GSAP: variants seen among roughly 807,000 people sequenced by gnomAD.
GSAP encodes gamma-secretase activating protein.
A neutral mutation model predicts 131.7 loss-of-function variants in GSAP; 118 were observed. That is an observed-to-expected ratio of 0.90 (90% CI 0.77 to 1.04). GSAP has a LOEUF of 1.04. Among genes scored for constraint, GSAP ranks in the 50% least tolerant of loss-of-function variants. GSAP has a pLI of 0.00. For synonymous variants in GSAP, 381 were observed against 363.4 expected, an observed-to-expected ratio of 1.05 and a Z score of -0.55; for missense variants, 1,019 against 1,013.2, an observed-to-expected ratio of 1.01 and a Z score of -0.08.
rs147848716 is a variant in GSAP at position 77,394,428 on chromosome 7, G to A, written c.367+2554C>T. On this transcript the variant is annotated intron_variant, in intron 5 of 30. Coordinates refer to ENST00000257626, the MANE Select transcript of GSAP (RefSeq NM_017439.4). The stretch of plus-strand genomic sequence containing the variant: ...CGTGCTTGTTCCATCCCCACCTTCA[G>A]GTCTCTGTTTAAACATTCCCCTAAT... Among the ~76,000 whole-genome samples, 458 of 152,198 alleles carry A rather than the reference G, an allele frequency of 3.0e-3. 1 individual carries two copies. The Middle Eastern group carries it at 0.058, about 19-fold the overall frequency.
intron 8 of GSAP, chr7:77,379,909 T>G: frequency 3.1e-6 from 3 of 976,552 alleles, no homozygotes; most frequent in Non-Finnish European, 3.7e-6. Flanking sequence ...TGATACACAA[T>G]TGATAAATTC....
intron 6 of GSAP, among the ~76,000 whole-genome samples, chr7:77,384,649 C>T (rs1798282490): frequency 2.0e-5 from 3 of 152,030 alleles, no homozygotes; most frequent in African/African-American, 7.2e-5. Flanking sequence ...AGGAAACACT[C>T]AAAGGGTCCC....
At chr7:77,341,998 A>T (rs13307807) in intron 19 of GSAP, among the ~76,000 whole-genome samples, 1 of 152,220 alleles carries the variant, frequency 6.6e-6, no homozygotes, top group African/African-American at 2.4e-5. Context: ...CACTGGGCCA[A>T]GGAATGCCCA....
intron 6 of GSAP, among the ~76,000 whole-genome samples, chr7:77,386,027 C>T (rs1166123246): frequency 1.3e-5 from 2 of 151,192 alleles, no homozygotes; most frequent in Non-Finnish European, 2.9e-5. Context: ...CCACAAATGT[C>T]GTATACTGAA....
intron 18 of GSAP, chr7:77,351,252 T>C: frequency 1.0e-6 from 1 of 971,156 alleles, no homozygotes; most frequent in Non-Finnish European, 1.2e-6. Flanking sequence ...TTCATTACAG[T>C]TTTGGTTATA....
chr7:77,412,290 G>A (rs1203254166), intron 1 of GSAP, among the ~76,000 whole-genome samples: 1 of 152,118 alleles, frequency 6.6e-6, no homozygotes, highest in Admixed American at 6.5e-5. Flanking sequence ...AGGACTGTTT[G>A]ATTGATAATA....
chr7:77,406,877 C>T (rs958572232), intron 1 of GSAP, among the ~76,000 whole-genome samples: 9 of 152,186 alleles, frequency 5.9e-5, no homozygotes, highest in Admixed American at 3.3e-4. Context: ...AAACAGTCTT[C>T]GAAGCTCCCC....
In GSAP at chr7:77,404,617, TA is replaced by T. The variant is rs1255685149; in HGVS notation, c.187-3del. ...AAAGACGACATTTCCCTTATCATCC[TA>T]AAAAAAATTAACCAGATGTTTATTA... On this transcript the variant is annotated splice_polypyrimidine_tract_variant and splice_region_variant and intron_variant, in intron 2 of 30. Coordinates refer to ENST00000257626, the MANE Select transcript of GSAP (RefSeq NM_017439.4). The T allele has an allele frequency of 1.0e-4, 154 of 1,493,426 alleles. No homozygotes were observed. The highest frequency in any genetic ancestry group is 1.3e-4 in the Non-Finnish European group (138 of 1,074,764). The allele number at this position is 1,493,426 out of a possible 1,614,324, so 92.5% of individuals were successfully genotyped here.
In GSAP at chr7:77,376,892, A is replaced by C. The variant is rs1796971093; in HGVS notation, c.697T>G (p.Leu233Val). 6.8e-7 allele frequency: 1 copy of C among 1,474,726 alleles called. No individual in the cohort carries two copies. The highest frequency in any genetic ancestry group is 9.3e-7 in the Non-Finnish European group (1 of 1,078,628). The allele number at this position is 1,474,726 out of a possible 1,614,324, so 91.4% of individuals were successfully genotyped here. Residue 233 changes from leucine (L) to valine (V), a missense_variant, in exon 10 of 31, where the codon TTA (leucine) becomes GTA (valine). Leu to Val is a conservative substitution (Grantham distance 32). Transcript: ENST00000257626. The part of the protein sequence containing the change: ...YIDLKKSRSI[L>V]KCIQFYADES... ...TCAGCATAAAACTGGATACATTTTAAGATACTCCTTGATTTCTAAAAGAGA... is the reference window on the plus strand; with the variant it reads ...TCAGCATAAAACTGGATACATTTTACGATACTCCTTGATTTCTAAAAGAGA...
At chr7:77,348,055 A>C (rs1246196156) in intron 19 of GSAP, among the ~76,000 whole-genome samples, 1 of 151,878 alleles carries the variant, frequency 6.6e-6, no homozygotes, top group African/African-American at 2.4e-5. Flanking sequence ...TGTAGTACCA[A>C]CCACTCAGGA....
At chr7:77,334,740 C>A (rs1207237799) in intron 19 of GSAP, among the ~76,000 whole-genome samples, 3 of 152,022 alleles carry the variant, frequency 2.0e-5, no homozygotes. Context: ...TCACCGGCAA[C>A]TCGAAAAGAG....
chr7:77,326,118 G>T (rs2150653671), intron 23 of GSAP, 94 bp downstream of exon 23: 1 of 836,590 alleles, frequency 1.2e-6, no homozygotes, highest in Non-Finnish European at 1.9e-6. Context: ...AAAGAATAAA[G>T]AATAAGATCA....
chr7:77,377,276 GT>G lies in GSAP; in HGVS notation c.681+9del, dbSNP rs113792577. The G allele has an allele frequency of 1.2e-4, 126 of 1,069,862 alleles. No individual in the cohort carries two copies. The African/African-American group carries it at 2.0e-3, about 17-fold the overall frequency. The allele number at this position is 1,069,862 out of a possible 1,614,324, so 66.3% of individuals were successfully genotyped here. ...AAAAAAAAGGAGTGCCCGTGAACTA[GT>G]TTTTTTACCTTCAGGTCAATGTAAT... is the stretch of plus-strand genomic sequence containing the variant. On this transcript the variant is annotated intron_variant, in intron 9 of 30. Transcript: ENST00000257626.
chr7:77,324,305 A>G (rs1788032946), intron 23 of GSAP, among the ~76,000 whole-genome samples: 1 of 152,190 alleles, frequency 6.6e-6, no homozygotes, highest in African/African-American at 2.4e-5. Context: ...GTTTGTTTCT[A>G]TACTCGCTTT....
chr7:77,350,312 T>C (rs1584420873), intron 18 of GSAP, among the ~76,000 whole-genome samples: 1 of 143,564 alleles, frequency 7.0e-6, no homozygotes, highest in Non-Finnish European at 1.5e-5. Flanking sequence ...TTAGGAGATA[T>C]ACCTAATGCT....
chr7:77,317,862 C>G (rs529417417), intron 26 of GSAP, among the ~76,000 whole-genome samples: 22 of 152,330 alleles, frequency 1.4e-4, no homozygotes, highest in African/African-American at 4.8e-4. Context: ...TTCAATCTTT[C>G]TAGGGTGTAC....
At position 77,416,220 on chromosome 7, in the gene GSAP, G is replaced by T; in HGVS notation, c.102C>A (p.Gly34=). ...AVSEASGAGS[G]GADVLENDYE... is the part of the protein sequence containing the mutation. ...GCAGCGCGCCTCCCGCACCTGCGCC[G>T]CCGCTTCCGGCCCCGCTGGCCTCCG... The change falls in exon 1 of 31, where the codon GGC becomes GGA. Residue 34 remains glycine, a synonymous_variant. Transcript: ENST00000257626. 8.4e-7 allele frequency: 1 copy of T among 1,197,046 alleles called. No homozygotes were observed. Among genetic ancestry groups the T allele is most frequent in the South Asian group, 1.5e-5 (1 of 68,828 alleles). 74.2% of individuals were successfully genotyped at this position (1,197,046 alleles called of 1,614,324 possible). A position where few individuals can be genotyped will look rare whatever the true frequency, so the allele number is the denominator to read the frequency against.
In GSAP at chr7:77,398,072, G is replaced by A. The variant is rs558178727; in HGVS notation, c.244-657C>T. Among the ~76,000 whole-genome samples the A allele has an allele frequency of 8.8e-4, 134 of 152,220 alleles. 1 individual carries two copies. The highest frequency in any genetic ancestry group is 1.6e-3 in the Non-Finnish European group (111 of 68,020). On this transcript the variant is annotated intron_variant, in intron 3 of 30. Transcript: ENST00000257626. Reference sequence around the variant, plus strand: ...AAAGAAAATGAAAATGCCCATGCAGGAGGATGTGATGTAGAGATTGAGGAA... The same window carrying A: ...AAAGAAAATGAAAATGCCCATGCAGAAGGATGTGATGTAGAGATTGAGGAA...
chr7:77,363,206 G>A (rs1794793082), intron 12 of GSAP, among the ~76,000 whole-genome samples: 1 of 152,220 alleles, frequency 6.6e-6, no homozygotes, highest in Non-Finnish European at 1.5e-5. Context: ...AAGGCCAAAG[G>A]AGAGCTCTTG....
Sources: gnomAD v4.1 joint callset for allele counts (sites outside exome capture counted in the v4.1 genomes callset) on GRCh38, gnomAD v4.1.1 for gene constraint, MANE v1.5 for transcripts, NCBI Gene and HGNC (gene_info 2026-07-23, HGNC 2026-07-21) for gene names.